Variants in NLRP11 observed in about 807,000 individuals in gnomAD.
The protein encoded by NLRP11 is NACHT, LRR and PYD domains-containing protein 11.
NLRP11 carries 53 observed loss-of-function variants against 79.3 expected under a neutral mutation model. The ratio of observed to expected loss-of-function variants is 0.67; its 90% CI spans 0.54 to 0.84. The LOEUF is 0.84. Ranked by LOEUF, NLRP11 falls within the 40% of genes least tolerant of loss-of-function variation. NLRP11 has a pLI of 0.00. For missense variants in NLRP11, 1,264 were observed against 1,255.0 expected (o/e 1.01, Z -0.11); for synonymous variants, 518 against 462.6 (o/e 1.12, Z -1.54).
At chr19:55,796,035 G>C (rs773620453) in intron 6 of NLRP11, 45 bp downstream of exon 6, 1 of 1,533,498 alleles carries the variant, frequency 6.5e-7, no homozygotes, top group Non-Finnish European at 9.0e-7. Flanking sequence ...AGATATTCAA[G>C]TCAGTCTGAG....
chr19:55,802,029 G>T (rs548261359), intron 4 of NLRP11, among the ~76,000 whole-genome samples: 2 of 152,258 alleles, frequency 1.3e-5, no homozygotes, highest in South Asian at 2.1e-4. Flanking sequence ...CATGCACAAA[G>T]ATATTAAGAT....
chr19:55,792,556 G>T, intron 6 of NLRP11, 85 bp from the exon 7 acceptor site: 1 of 986,586 alleles, frequency 1.0e-6, no homozygotes, highest in Non-Finnish European at 1.6e-6. Flanking sequence ...GCCCACGGGC[G>T]CCTCGATGCC....
chr19:55,836,145 T>C (rs773712432), upstream of NLRP11, among the ~76,000 whole-genome samples: 26 of 152,190 alleles, frequency 1.7e-4, no homozygotes, highest in Non-Finnish European at 2.8e-4. Context: ...TAATTTCTTC[T>C]TGCACGACAG....
chr19:55,810,147 T>C (rs752048249), exon 3 of NLRP11: 3 of 1,613,828 alleles, frequency 1.9e-6, no homozygotes, highest in Non-Finnish European at 2.5e-6. Flanking sequence ...CCAGATGCTC[T>C]CTCTCCCATC....
intron 1 of NLRP11, among the ~76,000 whole-genome samples, chr19:55,819,569 A>C (rs1290179422): frequency 1.3e-5 from 2 of 152,176 alleles, no homozygotes; most frequent in Non-Finnish European, 2.9e-5. Context: ...AGAAGATCTG[A>C]TCAGATATGA....
chr19:55,817,920 G>T, exon 2 of NLRP11: 1 of 1,605,590 alleles, frequency 6.2e-7, no homozygotes, highest in South Asian at 1.1e-5. Context: ...GTCTGCCAAT[G>T]ATCTTCCTAC....
rs772267156 is a variant in NLRP11, at chr19:55,809,879, G to A, written c.731C>T (p.Ala244Val). The A allele has an allele frequency of 9.3e-6, 15 of 1,614,040 alleles. No individual in the cohort carries two copies. Among genetic ancestry groups the A allele is most frequent in the Admixed American group, 1.7e-5 (1 of 59,996 alleles). ...TTTCTGGGTGCTGTTACTACACAAAGCACTTTCATTGACATTTAACTCGAA... is the reference window on the plus strand; with the variant it reads ...TTTCTGGGTGCTGTTACTACACAAAACACTTTCATTGACATTTAACTCGAA... The change falls in exon 3 of 10, where the codon GCT becomes GTT. Residue 244 changes from alanine to valine, a missense_variant. Coordinates refer to ENST00000589093, the Ensembl canonical transcript of NLRP11. The surrounding 1 kb of genome is among the most constrained non-coding windows in gnomAD (Gnocchi z 4.5).
At chr19:55,815,388 G>T (rs1981008505) in intron 2 of NLRP11, among the ~76,000 whole-genome samples, 1 of 151,882 alleles carries the variant, frequency 6.6e-6, no homozygotes, top group Non-Finnish European at 1.5e-5. Context: ...AATGAGCCGG[G>T]TGTGGTGGTG....
At chr19:55,824,206 C>CAA (rs1353897071) in intron 1 of NLRP11, among the ~76,000 whole-genome samples, 2 of 145,174 alleles carry the variant, frequency 1.4e-5, no homozygotes, top group Admixed American at 1.4e-4. Flanking sequence ...TACAGACAAG[C>CAA]AAATGCTGAG....
At chr19:55,787,865 A>G (rs1377103746) in intron 9 of NLRP11, among the ~76,000 whole-genome samples, 1 of 152,202 alleles carries the variant, frequency 6.6e-6, no homozygotes, top group Non-Finnish European at 1.5e-5. Context: ...GCCCAACAGC[A>G]CTACAGGAAC....
At chr19:55,819,095 C>T (rs937007657) in intron 1 of NLRP11, among the ~76,000 whole-genome samples, 1 of 148,674 alleles carries the variant, frequency 6.7e-6, no homozygotes, top group African/African-American at 2.5e-5. Flanking sequence ...CCCAGGAGAT[C>T]TTCCTCCCCA....
Position 55,792,294 on chromosome 19 carries a change from G to A in NLRP11, c.2513+7C>T. 5 of 1,612,360 alleles carry A rather than the reference G, an allele frequency of 3.1e-6. No homozygotes were observed. The highest frequency in any genetic ancestry group is 1.7e-4 in the Middle Eastern group (1 of 6,058). On this transcript the variant is annotated splice_region_variant and intron_variant, in intron 7 of 9. Coordinates refer to ENST00000589093, the Ensembl canonical transcript of NLRP11. ...ACAGTCATCCAGGACAACTGTGGGA[G>A]ACTTACTGAAGCTCCTCTAACTGAC...
chr19:55,834,659 G>T (rs1411750129), upstream of NLRP11, among the ~76,000 whole-genome samples: 1 of 152,126 alleles, frequency 6.6e-6, no homozygotes, highest in Non-Finnish European at 1.5e-5. Context: ...GTGCAAGAAG[G>T]TTCAAAACAG....
intron 4 of NLRP11, among the ~76,000 whole-genome samples, chr19:55,805,101 A>C (rs997209947): frequency 5.3e-5 from 8 of 152,076 alleles, no homozygotes; most frequent in Non-Finnish European, 1.0e-4. Flanking sequence ...CATTGAGGAA[A>C]AAGAAGTTGT....
intron 6 of NLRP11, among the ~76,000 whole-genome samples, chr19:55,794,775 AT>A (rs1978652810): frequency 1.3e-5 from 2 of 152,228 alleles, no homozygotes; most frequent in Non-Finnish European, 2.9e-5. Flanking sequence ...AAAAAAATAA[AT>A]AAAAGCATAC....
At position 55,824,907 on chromosome 19, in the gene NLRP11, C is replaced by T. The variant is rs1435029163; in HGVS notation, c.-62-6671G>A. ...GAATTGAACTCAGCTCTGCACCAAG[C>T]GGACCTAATAGACATCTACAGAACT... On this transcript the variant is annotated intron_variant, in intron 1 of 9. Transcript: ENST00000589093. Among the ~76,000 whole-genome samples the T allele has an allele frequency of 7.6e-4, 60 of 78,848 alleles. 6 individuals are homozygous for T. The highest frequency in any genetic ancestry group is 9.9e-4 in the Non-Finnish European group (48 of 48,630). 51.7% of individuals were successfully genotyped at this position (78,848 alleles called of 152,430 possible).
intron 2 of NLRP11, among the ~76,000 whole-genome samples, chr19:55,815,528 C>CAAAAAAAAA (rs11343133): frequency 1.1e-5 from 1 of 92,838 alleles, no homozygotes; most frequent in Non-Finnish European, 2.4e-5. Flanking sequence ...GACTCCATCT[C>CAAAAAAAAA]AAAAAAAAAA....
intron 5 of NLRP11, among the ~76,000 whole-genome samples, chr19:55,799,297 A>G (rs1341993651): frequency 6.6e-6 from 1 of 152,194 alleles, no homozygotes; most frequent in Non-Finnish European, 1.5e-5. Context: ...ATCTCTACAA[A>G]TACTTCACTG....
Position 55,809,550 on chromosome 19 carries a change from C to G in NLRP11, c.1060G>C (p.Asp354His), listed in dbSNP as rs1267009348. The stretch of plus-strand genomic sequence containing the variant: ...CAGAGCTGGAAGTCACGCCCCTTGT[C>G]CATCTGCCGCTTCAGGACAGTACAC... The change falls in exon 3 of 10, where the codon GAC (aspartate) becomes CAC (histidine). Residue 354 changes from aspartate to histidine, a missense_variant. Asp to His is a moderately conservative substitution (Grantham distance 81). Transcript: ENST00000589093. The surrounding 1 kb of genome is among the most constrained non-coding windows in gnomAD (Gnocchi z 4.5). The G allele has an allele frequency of 1.2e-6, 2 of 1,614,072 alleles. No individual in the cohort carries two copies. The highest frequency in any genetic ancestry group is 1.3e-5 in the African/African-American group (1 of 74,934).
Sources: gnomAD v4.1 joint callset for allele counts (sites outside exome capture counted in the v4.1 genomes callset) on GRCh38, gnomAD v4.1.1 for gene constraint, Gnocchi (gnomAD v3.1) non-coding constraint, MANE v1.5 for transcripts, NCBI Gene and HGNC (gene_info 2026-07-23, HGNC 2026-07-21) for gene names.